Variants in ZAN observed in about 807,000 individuals in gnomAD.
ZAN encodes zonadhesin.
ZAN carries 260 observed loss-of-function variants against 286.2 expected under a neutral mutation model. The ratio of observed to expected loss-of-function variants is 0.91; its 90% CI spans 0.82 to 1.01. The LOEUF (loss-of-function observed/expected upper bound fraction) is 1.01. ZAN is among the 50% of genes least tolerant of loss of function. ZAN has a pLI of 0.00. For synonymous variants in ZAN, 1,368 were observed against 1,417.5 expected (o/e 0.97, Z 0.79); for missense variants, 3,410 against 3,639.2 (o/e 0.94, Z 1.62).
At position 100,775,352 on chromosome 7, in the gene ZAN, G is replaced by A. The variant is rs756014848; in HGVS notation, c.5804G>A (p.Gly1935Glu). Residue 1935 changes from glycine to glutamate, a missense_variant, in exon 32 of 48, where the codon GGG (glycine) becomes GAG (glutamate). By Grantham distance (98) the Gly-to-Glu change is moderately conservative (BLOSUM62 -2). Transcript: ENST00000613979. ...ASGVGVCQLPGESHYVSFDGS... is the reference protein window; with the variant it reads ...ASGVGVCQLPEESHYVSFDGS... ...GGTGTGGGAGTGTGTCAGCTCCCAGGGGAGTCCCACTACGTGAGCTTTGAT... is the reference window on the plus strand; with the variant it reads ...GGTGTGGGAGTGTGTCAGCTCCCAGAGGAGTCCCACTACGTGAGCTTTGAT... 1.2e-6 allele frequency: 2 copies of A among 1,613,294 alleles called. No homozygotes were observed. Among genetic ancestry groups the A allele is most frequent in the African/African-American group, 1.3e-5 (1 of 74,894 alleles).
In ZAN at chr7:100,792,237, C is replaced by G. The variant is rs920029966; in HGVS notation, c.7712+89C>G. ...CCTCCTGCCCGCTTCCTGACCCAAG[C>G]TCTGTGTGGTTCACTCCTCCGTTCT... On this transcript the variant is annotated intron_variant, in intron 41 of 47. Transcript: ENST00000613979. 3 of 1,500,986 alleles carry G rather than the reference C, an allele frequency of 2.0e-6. No individual in the cohort carries two copies. The African/African-American group carries it at 4.2e-5, about 21-fold the overall frequency. The allele number at this position is 1,500,986 out of a possible 1,614,324, so 93.0% of individuals were successfully genotyped here. A position where few individuals can be genotyped will look rare whatever the true frequency, so the allele number is the denominator to read the frequency against.
intron 33 of ZAN, among the ~76,000 whole-genome samples, chr7:100,776,210 C>T (rs34516706): frequency 0.021 from 3,186 of 150,890 alleles, 54 homozygotes; most frequent in Non-Finnish European, 0.034. Context: ...CCCAGCTGCT[C>T]GGGAGGCTGA....
intron 7 of ZAN, among the ~76,000 whole-genome samples, chr7:100,743,302 G>A (rs1036102826): frequency 1.3e-5 from 2 of 152,018 alleles, no homozygotes; most frequent in African/African-American, 2.4e-5. Flanking sequence ...GATTACAAGC[G>A]TAAGCCACCA....
chr7:100,782,681 T>TG (rs923528489), intron 35 of ZAN, among the ~76,000 whole-genome samples: 25 of 100,098 alleles, frequency 2.5e-4, no homozygotes, highest in Admixed American at 1.5e-3. Flanking sequence ...TGGGTTTTTT[T>TG]TGTGTGTGTG....
intron 28 of ZAN, 66 bp from the exon 29 acceptor site, chr7:100,771,778 G>C (rs769778675): frequency 5.9e-6 from 9 of 1,514,554 alleles, no homozygotes; most frequent in Non-Finnish European, 5.4e-6. Context: ...CAGCCCCAGG[G>C]AAGCCACATG....
chr7:100,760,049 TA>T (rs1809444264), intron 18 of ZAN, among the ~76,000 whole-genome samples: 1 of 151,894 alleles, frequency 6.6e-6, no homozygotes, highest in Non-Finnish European at 1.5e-5. Flanking sequence ...CCCTGTCTCT[TA>T]AAAAATAGAA....
intron 45 of ZAN, 99 bp from the exon 46 acceptor site, chr7:100,797,267 T>A: frequency 9.2e-7 from 1 of 1,090,432 alleles, no homozygotes; most frequent in Non-Finnish European, 1.4e-6. Context: ...AGAGATGAGG[T>A]CCCCTGGGGT....
rs1562926821 is a variant in ZAN, at chr7:100,752,947, C to A, written c.2842C>A (p.Pro948Thr). 1 of 1,609,774 alleles carries A rather than the reference C, an allele frequency of 6.2e-7. No individual in the cohort carries two copies. Among genetic ancestry groups the A allele is most frequent in the Non-Finnish European group, 8.5e-7 (1 of 1,178,510 alleles). The change falls in exon 14 of 48, where the codon CCC becomes ACC. Residue 948 changes from proline (P) to threonine (T), a missense_variant. Pro to Thr is a conservative substitution (Grantham distance 38). This residue lies in a region of ZAN where 1,042 missense variants were observed against 1,058.0 expected (regional missense o/e 0.98). Transcript: ENST00000613979. ...AAAACTCACCATCCCCACAGAAAAA[C>A]CCACCATCTCCCCAGAAAAACTCAC... ...TEKLTIPTEK[P>T]TISPEKLTIP... is the part of the protein sequence containing the mutation.
chr7:100,769,766 T>C, intron 27 of ZAN, 114 bp from the exon 28 acceptor site: 6 of 908,540 alleles, frequency 6.6e-6, no homozygotes, highest in Admixed American at 2.4e-5. Flanking sequence ...AGGCTGGTCT[T>C]GAACTTCTGG....
At chr7:100,766,739 A>T in intron 24 of ZAN, 73 bp downstream of exon 24, 1 of 1,498,986 alleles carries the variant, frequency 6.7e-7, no homozygotes, top group Non-Finnish European at 8.9e-7. Flanking sequence ...GTCCTGCCCA[A>T]AGCAGCTTCC....
At position 100,752,152 on chromosome 7, in the gene ZAN, A is replaced by T. The variant is rs527352028; in HGVS notation, c.2047A>T (p.Ser683Cys). 2.2e-5 allele frequency: 36 copies of T among 1,611,746 alleles called. No individual in the cohort carries two copies. The highest frequency in any genetic ancestry group is 2.8e-5 in the Non-Finnish European group (33 of 1,179,310). ...GCCTGTCATCCCTACAGAAAAACCC[A>T]GCATCCCTACAGAAAAACCCAGCAT... is the stretch of plus-strand genomic sequence containing the variant. ...EEPVIPTEKP[S>C]IPTEKPSIPT... is the part of the protein sequence containing the mutation. Residue 683 changes from serine to cysteine, a missense_variant, in exon 14 of 48, where the codon AGC (serine) becomes TGC (cysteine). By Grantham distance (112) the Ser-to-Cys change is moderately radical (BLOSUM62 -1). Coordinates refer to ENST00000613979, the MANE Select transcript of ZAN (RefSeq NM_003386.3).
chr7:100,759,679 G>A (rs1293591746), intron 17 of ZAN, 42 bp from the exon 18 acceptor site: 2 of 1,551,284 alleles, frequency 1.3e-6, no homozygotes, highest in Middle Eastern at 3.4e-4. Context: ...CAGATGTTCA[G>A]AAATGAGCCA....
At chr7:100,797,343 T>A (rs761283818) in intron 45 of ZAN, 23 bp from the exon 46 acceptor site, 35 of 1,611,660 alleles carry the variant, frequency 2.2e-5, no homozygotes, top group Non-Finnish European at 1.9e-5. Context: ...TTCGACCTAA[T>A]GTCTCTTCCC....
rs369822816 is a variant in ZAN at position 100,797,529 on chromosome 7, C to T, written c.8367-48C>T. ...GTGCAAACCGGGAAGCGGCTGGGCC[C>T]GTAAAGGGCCACTTGGGGACCCATG... On this transcript the variant is annotated intron_variant, in intron 46 of 47. Coordinates refer to ENST00000613979, the MANE Select transcript of ZAN (RefSeq NM_003386.3). 1.1e-4 allele frequency: 177 copies of T among 1,613,490 alleles called. 1 individual carries two copies. The Middle Eastern group carries it at 1.8e-3, about 17-fold the overall frequency.
Position 100,763,817 on chromosome 7 carries a change from A to C in ZAN, c.3998A>C (p.Tyr1333Ser), listed in dbSNP as rs1202653519. The change falls in exon 21 of 48, where the codon TAC becomes TCC. Residue 1333 changes from tyrosine (Y) to serine (S), a missense_variant. Physicochemically the swap from Tyr to Ser is moderately radical, Grantham distance 144. Coordinates refer to ENST00000613979, the MANE Select transcript of ZAN (RefSeq NM_003386.3). The surrounding 1 kb of genome is among the most constrained non-coding windows in gnomAD (Gnocchi z 4.6). ...DQDEDQECQK[Y>S]QVVNSPSCDS... Reference sequence around the variant, plus strand: ...TGGGTCTCTTGCAGGTGTCAGAAGTACCAGGTGGTGAATTCCCCGTCTTGT... The same window carrying C: ...TGGGTCTCTTGCAGGTGTCAGAAGTCCCAGGTGGTGAATTCCCCGTCTTGT... 6.2e-7 allele frequency: 1 copy of C among 1,613,890 alleles called. No individual in the cohort carries two copies. Among genetic ancestry groups the C allele is most frequent in the African/African-American group, 1.3e-5 (1 of 74,950 alleles).
At chr7:100,744,546 C>A (rs981179405) in intron 7 of ZAN, among the ~76,000 whole-genome samples, 1 of 150,768 alleles carries the variant, frequency 6.6e-6, no homozygotes, top group African/African-American at 2.4e-5. Flanking sequence ...TGCAGTGAGC[C>A]GAGATAGCGC....
rs747113462 is a variant in ZAN, at chr7:100,796,983, G to A, written c.8267-383G>A. 4.6e-5 allele frequency among the ~76,000 whole-genome samples: 7 copies of A among 152,156 alleles called. No individual in the cohort carries two copies. In the East Asian group the frequency reaches 9.7e-4, roughly 21 times the overall value. On this transcript the variant is annotated intron_variant, in intron 45 of 47. Coordinates refer to ENST00000613979, the MANE Select transcript of ZAN (RefSeq NM_003386.3). ...AGACCCCATCTCTACAAAAAATCAC[G>A]AAAATTAACCGGGTGTGGTGGCATG...
chr7:100,779,770 A>AC lies in ZAN; in HGVS notation c.6622+24dup, dbSNP rs1447780087. ...TCTGCCGTGAGTGTGCCCTGCTGTC[A>AC]CCCCAAACCCCTCCCAAACCCCCTT... On this transcript the variant is annotated intron_variant, in intron 35 of 47. Coordinates refer to ENST00000613979, the MANE Select transcript of ZAN (RefSeq NM_003386.3). 1 of 1,535,334 alleles carries AC rather than the reference A, an allele frequency of 6.5e-7. No individual in the cohort carries two copies. Among genetic ancestry groups the AC allele is most frequent in the South Asian group, 1.2e-5 (1 of 83,520 alleles).
rs1417767017 is a variant in ZAN at position 100,758,302 on chromosome 7, T to C, written c.3410T>C (p.Val1137Ala). Reference protein sequence around the residue: ...CQISQCGTHTVCQLKNGQYGC... With the variant: ...CQISQCGTHTACQLKNGQYGC... ...ATCTCTCAGTGTGGGACACACACCG[T>C]GTGCCAGCTTAAGAATGGCCAGTAT... The change falls in exon 16 of 48, where the codon GTG becomes GCG. Residue 1137 changes from valine to alanine, a missense_variant. Around this residue, in one of 7 missense-constraint regions of ZAN, gnomAD observed 1,042 missense variants for 1,058.0 expected, o/e 0.98. Transcript: ENST00000613979. The C allele has an allele frequency of 6.2e-7, 1 of 1,613,316 alleles. No homozygotes were observed. Among genetic ancestry groups the C allele is most frequent in the Non-Finnish European group, 8.5e-7 (1 of 1,179,862 alleles).
Sources: gnomAD v4.1 joint callset for allele counts (sites outside exome capture counted in the v4.1 genomes callset) on GRCh38, gnomAD v4.1.1 for gene constraint, gnomAD v4.1.1 regional missense constraint, Gnocchi (gnomAD v3.1) non-coding constraint, MANE v1.5 for transcripts, NCBI Gene and HGNC (gene_info 2026-07-23, HGNC 2026-07-21) for gene names.